Variants in CPLX1 observed in about 807,000 individuals in gnomAD.
CPLX1 encodes complexin-1.
CPLX1 carries 6 observed loss-of-function variants against 15.6 expected under a neutral mutation model. That is an observed-to-expected ratio of 0.39 (90% confidence interval 0.21 to 0.76). CPLX1 has a LOEUF of 0.76. CPLX1 is among the 30% of genes least tolerant of loss of function. The pLI, the probability that CPLX1 is intolerant of heterozygous loss-of-function variation, is 0.43. For missense variants in CPLX1, 242 were observed against 188.6 expected (o/e 1.28, Z -1.66); for synonymous variants, 91 against 75.2 (o/e 1.21, Z -1.08).
chr4:820,421 A>G (rs1746839481), intron 2 of CPLX1, among the ~76,000 whole-genome samples: 1 of 152,258 alleles, frequency 6.6e-6, no homozygotes, highest in Non-Finnish European at 1.5e-5. Context: ...CAGGAGAGCC[A>G]GAGGGACCTC....
chr4:814,821 G>A (rs564170756), intron 2 of CPLX1, among the ~76,000 whole-genome samples: 4 of 152,356 alleles, frequency 2.6e-5, no homozygotes, highest in African/African-American at 9.6e-5. Context: ...AGTGTCGTGT[G>A]TGAGGGGCCC....
intron 2 of CPLX1, among the ~76,000 whole-genome samples, chr4:799,698 A>G (rs1746414363): frequency 6.6e-6 from 1 of 152,120 alleles, no homozygotes; most frequent in African/African-American, 2.4e-5. Context: ...CCCCGTCTCT[A>G]CTAAAAATAC....
Position 824,563 on chromosome 4 carries a change from G to A in CPLX1, c.-41C>T. 1.2e-6 allele frequency: 2 copies of A among 1,608,002 alleles called. No homozygotes were observed. The highest frequency in any genetic ancestry group is 8.5e-7 in the Non-Finnish European group (1 of 1,175,438). On this transcript the variant is annotated 5_prime_UTR_variant, in exon 2 of 4. Transcript: ENST00000304062. Reference sequence around the variant, plus strand: ...TCCACAGTGGCTCCTCCAGGGGTCAGAACTCACACGCAAGTATGGCCGGGA... The same window carrying A: ...TCCACAGTGGCTCCTCCAGGGGTCAAAACTCACACGCAAGTATGGCCGGGA...
intron 2 of CPLX1, among the ~76,000 whole-genome samples, chr4:809,392 C>G (rs1033292014): frequency 6.6e-6 from 1 of 152,202 alleles, no homozygotes; most frequent in Admixed American, 6.5e-5. Context: ...GTCTCACGCC[C>G]TTACTGAAAC....
intron 3 of CPLX1, chr4:788,288 A>G (rs1176701967): frequency 1.0e-6 from 1 of 985,080 alleles, no homozygotes; most frequent in African/African-American, 1.7e-5. Flanking sequence ...AACCCCACCG[A>G]GGGCAGTCTC....
intron 2 of CPLX1, among the ~76,000 whole-genome samples, chr4:813,082 T>C (rs1380780624): frequency 1.3e-5 from 2 of 151,794 alleles, no homozygotes; most frequent in Non-Finnish European, 2.9e-5. Flanking sequence ...CTGGCCAACA[T>C]GGTGAAACCC....
At chr4:819,150 C>G in intron 2 of CPLX1, among the ~76,000 whole-genome samples, 1 of 152,286 alleles carries the variant, frequency 6.6e-6, no homozygotes, top group Non-Finnish European at 1.5e-5. Flanking sequence ...GTAGTCCTGT[C>G]ACGCAGGAGC....
Position 792,440 on chromosome 4 carries a change from C to A in CPLX1, c.200G>T (p.Arg67Leu). Residue 67 changes from arginine to leucine, a missense_variant, in exon 3 of 4, where the codon CGA (arginine) becomes CTA (leucine). Transcript: ENST00000304062. Reference protein sequence around the residue: ...AEREAVRQGIRDKYGIKKKEE... With the variant: ...AEREAVRQGILDKYGIKKKEE... Reference sequence around the variant, plus strand: ...GGCCGGCCCGGCGCGCACCTTGTCTCGGATGCCCTGGCGCACGGCCTCGCG... The same window carrying A: ...GGCCGGCCCGGCGCGCACCTTGTCTAGGATGCCCTGGCGCACGGCCTCGCG... 1 of 1,585,572 alleles carries A rather than the reference C, an allele frequency of 6.3e-7. No homozygotes were observed. Among genetic ancestry groups the A allele is most frequent in the Non-Finnish European group, 8.6e-7 (1 of 1,167,236 alleles).
chr4:788,630 G>C (rs999170051), intron 3 of CPLX1: 11 of 978,986 alleles, frequency 1.1e-5, no homozygotes, highest in Non-Finnish European at 1.2e-5. Context: ...ATTGGTTCTC[G>C]TCCTAGCCAT....
At position 787,032 on chromosome 4, in the gene CPLX1, T is replaced by A. The variant is rs1312422297; in HGVS notation, c.208-334A>T. 7.1e-6 allele frequency: 7 copies of A among 985,088 alleles called. No individual in the cohort carries two copies. In the African/African-American group the frequency reaches 8.7e-5, roughly 12 times the overall value. 61.0% of individuals were successfully genotyped at this position (985,088 alleles called of 1,614,324 possible). Reference sequence around the variant, plus strand: ...CTGGCATCCTGCCTTCCAGGAAGCCTCCGGCCCGGGGCAGGGAGGGGTGGG... The same window carrying A: ...CTGGCATCCTGCCTTCCAGGAAGCCACCGGCCCGGGGCAGGGAGGGGTGGG... On this transcript the variant is annotated intron_variant, in intron 3 of 3. Transcript: ENST00000304062.
At chr4:804,835 G>T (rs1746524102) in intron 2 of CPLX1, 3 of 985,350 alleles carry the variant, frequency 3.0e-6, no homozygotes. Context: ...GCAAGCGTGG[G>T]GAGCGACGTG....
chr4:788,158 T>C, intron 3 of CPLX1: 3 of 985,290 alleles, frequency 3.0e-6, no homozygotes, highest in Non-Finnish European at 3.6e-6. Flanking sequence ...CCTGCTCCTG[T>C]CTCAGCAGCC....
At chr4:809,412 GGCT>G (rs1746620153) in intron 2 of CPLX1, among the ~76,000 whole-genome samples, 1 of 151,378 alleles carries the variant, frequency 6.6e-6, no homozygotes, top group South Asian at 2.1e-4. Context: ...CGGGCCCTGT[GGCT>G]GCTGAGCCTC....
intron 2 of CPLX1, among the ~76,000 whole-genome samples, chr4:809,867 C>A (rs897121419): frequency 6.6e-6 from 1 of 151,854 alleles, no homozygotes; most frequent in African/African-American, 2.4e-5. Flanking sequence ...CTGCAGCAGG[C>A]GGGGGGACTG....
At chr4:802,582 G>C (rs1341871413) in intron 2 of CPLX1, among the ~76,000 whole-genome samples, 1 of 152,198 alleles carries the variant, frequency 6.6e-6, no homozygotes, top group Non-Finnish European at 1.5e-5. Context: ...ACTAAGTATG[G>C]AAGCCCAAAT....
In CPLX1 at chr4:786,570, C is replaced by G. The variant is rs951969303; in HGVS notation, c.336G>C (p.Glu112Asp). ...PPGCGDEVEE[E>D]DESILDTVIK... Reference sequence around the variant, plus strand: ...TGACGGTGTCCAGGATGCTCTCGTCCTCCTCCTCCACCTCGTCCCCGCAGC... The same window carrying G: ...TGACGGTGTCCAGGATGCTCTCGTCGTCCTCCTCCACCTCGTCCCCGCAGC... Residue 112 changes from glutamate (E) to aspartate (D), a missense_variant, in exon 4 of 4, where the codon GAG becomes GAC. Transcript: ENST00000304062. The G allele has an allele frequency of 8.1e-6, 13 of 1,609,994 alleles. No homozygotes were observed. Among genetic ancestry groups the G allele is most frequent in the Admixed American group, 5.0e-5 (3 of 59,610 alleles).
At chr4:824,435 T>C in intron 2 of CPLX1, 57 bp downstream of exon 2, 1 of 1,480,896 alleles carries the variant, frequency 6.8e-7, no homozygotes, top group South Asian at 1.1e-5. Context: ...GAGCAGCTGC[T>C]GTGGTGGTCT....
intron 3 of CPLX1, among the ~76,000 whole-genome samples, chr4:792,086 C>A (rs999062131): frequency 6.6e-6 from 1 of 152,114 alleles, no homozygotes; most frequent in Non-Finnish European, 1.5e-5. Flanking sequence ...AGGCCGGGCT[C>A]ACCTGAGAGC....
chr4:799,623 G>A (rs976107767), intron 2 of CPLX1, among the ~76,000 whole-genome samples: 1 of 152,180 alleles, frequency 6.6e-6, no homozygotes, highest in Non-Finnish European at 1.5e-5. Flanking sequence ...AGCACTTTGG[G>A]AGGCCGAGAT....
Sources: allele counts gnomAD v4.1 joint callset (sites outside exome capture counted in the v4.1 genomes callset), GRCh38; gene constraint gnomAD v4.1.1; transcripts MANE v1.5; gene names NCBI Gene and HGNC (gene_info 2026-07-23, HGNC 2026-07-21).